SHANK2: variants seen among roughly 807,000 people sequenced by gnomAD.
The protein encoded by SHANK2 is SH3 and multiple ankyrin repeat domains protein 2.
Under a neutral mutation model 133.7 loss-of-function variants are expected in SHANK2, and 43 were observed. The ratio of observed to expected loss-of-function variants is 0.32; its 90% CI spans 0.25 to 0.41. The LOEUF (loss-of-function observed/expected upper bound fraction) is 0.41, where lower values mean the gene tolerates loss of function less well. SHANK2 is among the 10% of genes least tolerant of loss of function. SHANK2 has a pLI of 1.00. For missense variants in SHANK2, 1,994 were observed against 2,235.8 expected (o/e 0.89, Z 2.18); for synonymous variants, 1,017 against 952.8 (o/e 1.07, Z -1.24).
rs534694530 is a variant in SHANK2, at chr11:71,136,825, G to A, written c.207+10295C>T. 1.4e-4 allele frequency among the ~76,000 whole-genome samples: 21 copies of A among 152,302 alleles called. No individual in the cohort carries two copies. In the South Asian group the frequency reaches 4.1e-3, roughly 30 times the overall value. On this transcript the variant is annotated intron_variant, in intron 3 of 25. Coordinates refer to ENST00000601538, the MANE Select transcript of SHANK2 (RefSeq NM_012309.5). Reference sequence around the variant, plus strand: ...CCACACCAGGATGGTGGTGACAGGTGCACAACTCAGCAAATCCACTAGGAA... The same window carrying A: ...CCACACCAGGATGGTGGTGACAGGTACACAACTCAGCAAATCCACTAGGAA...
chr11:71,121,705 C>CCATAG (rs1247284493), intron 3 of SHANK2, among the ~76,000 whole-genome samples: 1 of 152,174 alleles, frequency 6.6e-6, no homozygotes, highest in Non-Finnish European at 1.5e-5. Context: ...TTAGGTCTAA[C>CCATAG]ATTTAAGTCT....
chr11:71,095,269 A>G (rs573013804), intron 6 of SHANK2, among the ~76,000 whole-genome samples: 1 of 152,326 alleles, frequency 6.6e-6, no homozygotes, highest in African/African-American at 2.4e-5. Flanking sequence ...GGCCCAGCAG[A>G]CAGAAGGATG....
At chr11:70,802,055 G>A (rs1173631948) in intron 13 of SHANK2, among the ~76,000 whole-genome samples, 2 of 152,164 alleles carry the variant, frequency 1.3e-5, no homozygotes, top group East Asian at 3.8e-4. Flanking sequence ...GCAGTGCTTT[G>A]AATGGTGGGT....
At chr11:70,499,407 G>A (rs1289066643) in intron 21 of SHANK2, among the ~76,000 whole-genome samples, 6 of 152,226 alleles carry the variant, frequency 3.9e-5, no homozygotes, top group Admixed American at 3.3e-4. Context: ...AGGGTGGTGT[G>A]GATGGGGCCA....
intron 1 of SHANK2, among the ~76,000 whole-genome samples, chr11:71,230,193 G>A (rs1422836167): frequency 1.3e-5 from 2 of 152,082 alleles, no homozygotes; most frequent in South Asian, 2.1e-4. Context: ...GGGAGGCGGA[G>A]GCAGGAGAAT....
At chr11:70,932,144 T>G (rs1448476434) in intron 10 of SHANK2, among the ~76,000 whole-genome samples, 2 of 152,206 alleles carry the variant, frequency 1.3e-5, no homozygotes, top group Admixed American at 1.3e-4. Context: ...TTTGTAGACA[T>G]CTGGTTCTGG....
intron 14 of SHANK2, among the ~76,000 whole-genome samples, chr11:70,733,425 T>C (rs1946331442): frequency 2.0e-5 from 3 of 152,186 alleles, no homozygotes; most frequent in African/African-American, 2.4e-5. Flanking sequence ...TTTTAGGATC[T>C]GAAAAAAGAA....
At chr11:70,901,429 C>G (rs1950021464) in intron 10 of SHANK2, among the ~76,000 whole-genome samples, 2 of 152,184 alleles carry the variant, frequency 1.3e-5, no homozygotes, top group African/African-American at 2.4e-5. Context: ...AGGGGAAGGA[C>G]TAGTCCTGTA....
chr11:70,952,212 G>A (rs1177415822), intron 10 of SHANK2, among the ~76,000 whole-genome samples: 3 of 152,230 alleles, frequency 2.0e-5, no homozygotes, highest in South Asian at 2.1e-4. Flanking sequence ...ATCTGTGGCT[G>A]AGAGTGGGCC....
At chr11:70,541,138 C>T (rs1554975099) in intron 17 of SHANK2, among the ~76,000 whole-genome samples, 1 of 152,208 alleles carries the variant, frequency 6.6e-6, no homozygotes, top group Non-Finnish European at 1.5e-5. Flanking sequence ...AAGGGTCCTC[C>T]ATAGGAGGCC....
At chr11:70,529,743 T>C (rs2059444133) in intron 17 of SHANK2, among the ~76,000 whole-genome samples, 1 of 152,202 alleles carries the variant, frequency 6.6e-6, no homozygotes, top group South Asian at 2.1e-4. Context: ...CCTGTCTCTG[T>C]GGATTTGCCT....
At chr11:71,243,600 C>G (rs1555124666) in intron 1 of SHANK2, among the ~76,000 whole-genome samples, 1 of 152,092 alleles carries the variant, frequency 6.6e-6, no homozygotes, top group African/African-American at 2.4e-5. Context: ...GAGGCTGAGT[C>G]AAGAGAATGG....
chr11:70,662,365 C>A (rs1001490175), intron 15 of SHANK2, among the ~76,000 whole-genome samples: 3 of 152,298 alleles, frequency 2.0e-5, no homozygotes, highest in African/African-American at 7.2e-5. Flanking sequence ...GTGCGCCCGG[C>A]GGCTGCCTGG....
At chr11:70,952,659 A>G in intron 10 of SHANK2, 1 of 311,266 alleles carries the variant, frequency 3.2e-6, no homozygotes. Flanking sequence ...AGACGCACCC[A>G]AGCTGCTGAC....
intron 17 of SHANK2, among the ~76,000 whole-genome samples, chr11:70,632,530 C>G (rs951262637): frequency 1.3e-5 from 2 of 152,138 alleles, no homozygotes; most frequent in South Asian, 4.1e-4. Context: ...GCTCCTTTCT[C>G]TCCTTGATAA....
chr11:70,779,847 C>A (rs551072836), intron 14 of SHANK2, among the ~76,000 whole-genome samples: 3 of 152,218 alleles, frequency 2.0e-5, no homozygotes, highest in African/African-American at 7.2e-5. Context: ...ATCTTCCCTA[C>A]ACCCCTGACC....
chr11:70,637,457 C>T (rs1306852454), intron 17 of SHANK2, among the ~76,000 whole-genome samples: 6 of 152,088 alleles, frequency 3.9e-5, no homozygotes, highest in Non-Finnish European at 8.8e-5. Flanking sequence ...GGCCGGGCCA[C>T]GGCCAGCTCT....
intron 14 of SHANK2, among the ~76,000 whole-genome samples, chr11:70,760,819 G>T (rs1227872760): frequency 2.6e-5 from 4 of 152,240 alleles, no homozygotes; most frequent in African/African-American, 9.6e-5. Context: ...TTAACCTGGA[G>T]GGTGGTAGTC....
rs115158531 is a variant in SHANK2 at position 70,677,336 on chromosome 11, C to T, written c.1854-15658G>A. Among the ~76,000 whole-genome samples the T allele has an allele frequency of 2.6e-3, 396 of 152,280 alleles. 2 individuals carry two copies. The highest frequency in any genetic ancestry group is 9.3e-3 in the African/African-American group (385 of 41,562). On this transcript the variant is annotated intron_variant, in intron 15 of 25. Coordinates refer to ENST00000601538, the MANE Select transcript of SHANK2 (RefSeq NM_012309.5). ...TTGTCATTCAATGCATCCAGCTGAGCGGCCAACATCCTCCTCCTGGATTCA... is the reference window on the plus strand; with the variant it reads ...TTGTCATTCAATGCATCCAGCTGAGTGGCCAACATCCTCCTCCTGGATTCA...
Sources: gnomAD v4.1 joint callset for allele counts (sites outside exome capture counted in the v4.1 genomes callset) on GRCh38, gnomAD v4.1.1 for gene constraint, MANE v1.5 for transcripts, NCBI Gene and HGNC (gene_info 2026-07-23, HGNC 2026-07-21) for gene names.